Variants in RANBP17 observed in about 807,000 individuals in gnomAD.
The protein encoded by RANBP17 is RAN binding protein 17.
RANBP17 carries 158 observed loss-of-function variants against 141.2 expected under a neutral mutation model. The observed-to-expected ratio is 1.12, with a 90% CI of 0.98 to 1.28. RANBP17 has a LOEUF of 1.28. Ranked by LOEUF, RANBP17 falls within the 50% of genes most tolerant of loss-of-function variation. The pLI, the probability that RANBP17 is intolerant of heterozygous loss-of-function variation, is 0.00. For missense variants in RANBP17, 1,438 were observed against 1,290.7 expected (o/e 1.11, Z -1.75); for synonymous variants, 430 against 450.0 (o/e 0.96, Z 0.56).
chr5:170,886,934 ATT>A (rs1175116798), intron 3 of RANBP17, among the ~76,000 whole-genome samples: 1 of 152,070 alleles, frequency 6.6e-6, no homozygotes, highest in Non-Finnish European at 1.5e-5. Context: ...AAGTGCTGGG[ATT>A]ATAGGTGTGA....
At chr5:170,988,818 A>G (rs1021889527) in intron 14 of RANBP17, among the ~76,000 whole-genome samples, 1 of 151,760 alleles carries the variant, frequency 6.6e-6, no homozygotes, top group Non-Finnish European at 1.5e-5. Context: ...CTTACTGTTT[A>G]TTATTTTTGT....
At chr5:171,184,542 G>T (rs1235963411) in intron 18 of RANBP17, among the ~76,000 whole-genome samples, 1 of 152,114 alleles carries the variant, frequency 6.6e-6, no homozygotes. Context: ...GAGATCTGTT[G>T]TACGTAGATG....
chr5:171,171,258 C>G lies in RANBP17; in HGVS notation c.1837C>G (p.Leu613Val), dbSNP rs1169628838. 32 of 1,596,686 alleles carry G rather than the reference C, an allele frequency of 2.0e-5. No individual in the cohort carries two copies. The highest frequency in any genetic ancestry group is 2.7e-5 in the Non-Finnish European group (31 of 1,167,808). The change falls in exon 16 of 28, where the codon CTT becomes GTT. Residue 613 changes from leucine (L) to valine (V), a missense_variant. Coordinates refer to ENST00000523189, the MANE Select transcript of RANBP17 (RefSeq NM_022897.5). ...GRYEPVISRTLQFLNDLSVGY... is the reference protein window; with the variant it reads ...GRYEPVISRTVQFLNDLSVGY... ...ATATGAGCCTGTAATTTCAAGGACT[C>G]TTCAGTTCCTAAATGACCTTTCTGT...
rs1191807084 is a variant in RANBP17 at position 170,922,644 on chromosome 5, C to G, written c.1275-1713C>G. ...CTGAGCCAGGCACAGGAGGGTATCT[C>G]CTGGTCTGCAGGTTGCTAAGACTGT... On this transcript the variant is annotated intron_variant, in intron 11 of 27. Coordinates refer to ENST00000523189, the MANE Select transcript of RANBP17 (RefSeq NM_022897.5). Among the ~76,000 whole-genome samples the G allele has an allele frequency of 2.0e-5, 3 of 152,214 alleles. No individual in the cohort carries two copies. In the East Asian group the frequency reaches 5.8e-4, roughly 29 times the overall value.
chr5:171,066,468 A>G (rs1193710815), intron 14 of RANBP17, among the ~76,000 whole-genome samples: 3 of 152,212 alleles, frequency 2.0e-5, no homozygotes, highest in East Asian at 1.9e-4. Flanking sequence ...ATGTCTTCCA[A>G]GTTCACTCAT....
At chr5:171,097,001 G>A (rs1043804382) in intron 14 of RANBP17, among the ~76,000 whole-genome samples, 1 of 152,142 alleles carries the variant, frequency 6.6e-6, no homozygotes, top group Non-Finnish European at 1.5e-5. Context: ...ACTAAAGTTT[G>A]TGATTCTTGA....
At chr5:171,211,329 T>G (rs1425506086) in intron 20 of RANBP17, among the ~76,000 whole-genome samples, 1 of 152,052 alleles carries the variant, frequency 6.6e-6, no homozygotes, top group Non-Finnish European at 1.5e-5. Context: ...TGGTGCAGTC[T>G]TGGCTCACTG....
chr5:171,221,438 T>A (rs1763550050), intron 21 of RANBP17, among the ~76,000 whole-genome samples: 1 of 152,222 alleles, frequency 6.6e-6, no homozygotes, highest in Non-Finnish European at 1.5e-5. Flanking sequence ...GGTGTTTTAT[T>A]ATTATCCATC....
chr5:171,088,505 G>T (rs1369737863), intron 14 of RANBP17, among the ~76,000 whole-genome samples: 146 of 143,088 alleles, frequency 1.0e-3, no homozygotes, highest in South Asian at 2.9e-3. Context: ...TCTGAATGTT[G>T]GCCTGCCTTG....
At chr5:171,038,164 G>T (rs1479882517) in intron 14 of RANBP17, among the ~76,000 whole-genome samples, 2 of 119,496 alleles carry the variant, frequency 1.7e-5, no homozygotes, top group Admixed American at 7.9e-5. Context: ...CTTAGGTATT[G>T]TGTGTGTGTG....
intron 1 of RANBP17, among the ~76,000 whole-genome samples, chr5:170,862,324 T>TC (rs1766861787): frequency 6.6e-6 from 1 of 152,074 alleles, no homozygotes; most frequent in Non-Finnish European, 1.5e-5. Flanking sequence ...CCAGGGCTCG[T>TC]CCCGGGGAAG....
chr5:170,952,873 A>G (rs1326739105), intron 12 of RANBP17, among the ~76,000 whole-genome samples: 1 of 152,078 alleles, frequency 6.6e-6, no homozygotes. Context: ...ACCTTAAGCA[A>G]AAATCATTGA....
At chr5:170,882,399 G>A (rs1768786802) in intron 3 of RANBP17, among the ~76,000 whole-genome samples, 1 of 152,118 alleles carries the variant, frequency 6.6e-6, no homozygotes, top group African/African-American at 2.4e-5. Context: ...TTTATTTAAT[G>A]ATAAACAATA....
intron 24 of RANBP17, among the ~76,000 whole-genome samples, chr5:171,246,749 C>G (rs1159422005): frequency 2.0e-5 from 3 of 152,158 alleles, no homozygotes; most frequent in Non-Finnish European, 4.4e-5. Context: ...AGTGGCATTA[C>G]GAAGGGAATA....
At chr5:171,043,405 C>T (rs926383093) in intron 14 of RANBP17, among the ~76,000 whole-genome samples, 33 of 152,048 alleles carry the variant, frequency 2.2e-4, no homozygotes, top group Admixed American at 3.3e-4. Flanking sequence ...TTCTTACTCT[C>T]TCTGTGGTGC....
intron 12 of RANBP17, among the ~76,000 whole-genome samples, chr5:170,933,576 A>C (rs186050769): frequency 7.8e-4 from 119 of 152,266 alleles, no homozygotes; most frequent in African/African-American, 2.6e-3. Flanking sequence ...CCTCTACACA[A>C]TGCTTTAAAT....
chr5:171,280,321 A>G lies in RANBP17; in HGVS notation c.2944-13562A>G, dbSNP rs556605276. The stretch of plus-strand genomic sequence containing the variant: ...TAAATAGGATATCACCTTGTCGCCC[A>G]GGCTGGAGTGCAGTGGCACAATCTC... On this transcript the variant is annotated intron_variant, in intron 25 of 27. Transcript: ENST00000523189. Among the ~76,000 whole-genome samples the G allele has an allele frequency of 2.1e-3, 314 of 152,238 alleles. 1 individual carries two copies. The highest frequency in any genetic ancestry group is 2.6e-3 in the Non-Finnish European group (180 of 68,012).
chr5:171,046,581 A>G (rs997667683), intron 14 of RANBP17, among the ~76,000 whole-genome samples: 2 of 152,144 alleles, frequency 1.3e-5, no homozygotes, highest in Admixed American at 1.3e-4. Context: ...TCCAACATAG[A>G]TACTTAGATA....
intron 14 of RANBP17, among the ~76,000 whole-genome samples, chr5:171,017,058 T>C (rs946825232): frequency 2.0e-4 from 31 of 152,128 alleles, no homozygotes; most frequent in Non-Finnish European, 3.2e-4. Context: ...TCCAGCTTCA[T>C]CCCATGTCCC....
Sources: allele counts gnomAD v4.1 joint callset (sites outside exome capture counted in the v4.1 genomes callset), GRCh38; gene constraint gnomAD v4.1.1; transcripts MANE v1.5; gene names NCBI Gene and HGNC (gene_info 2026-07-23, HGNC 2026-07-21).